Variants in KIF21B observed in about 807,000 individuals in gnomAD.
KIF21B encodes kinesin family member 21B.
Under a neutral mutation model 192.9 loss-of-function variants are expected in KIF21B, and 85 were observed. The ratio of observed to expected loss-of-function variants is 0.44; its 90% CI spans 0.37 to 0.53. KIF21B has a LOEUF of 0.53. Ranked by LOEUF, KIF21B falls within the 20% of genes least tolerant of loss-of-function variation. The pLI, the probability that KIF21B is intolerant of heterozygous loss-of-function variation, is 0.00. For synonymous variants in KIF21B, 832 were observed against 884.6 expected (o/e 0.94, Z 1.05); for missense variants, 1,716 against 2,194.8 (o/e 0.78, Z 4.36).
Position 201,000,701 on chromosome 1 carries a change from G to T in KIF21B, c.1466+16C>A, listed in dbSNP as rs757855538. 1.9e-6 allele frequency: 3 copies of T among 1,614,140 alleles called. No homozygotes were observed. Among genetic ancestry groups the T allele is most frequent in the Non-Finnish European group, 2.5e-6 (3 of 1,180,004 alleles). The stretch of plus-strand genomic sequence containing the variant: ...GCCCCCAGCCCGCGCACACCTGCCG[G>T]AGCTCACTCACTCACCGTAGCTCCT... On this transcript the variant is annotated intron_variant, in intron 10 of 34. Transcript: ENST00000461742. The surrounding 1 kb of genome is among the most constrained non-coding windows in gnomAD (Gnocchi z 6.0).
rs369897745 is a variant in KIF21B at position 201,002,209 on chromosome 1, C to T, written c.1354G>A (p.Val452Ile). 96 of 1,614,084 alleles carry T rather than the reference C, an allele frequency of 5.9e-5. No homozygotes were observed. The highest frequency in any genetic ancestry group is 3.3e-4 in the Middle Eastern group (2 of 6,084). Residue 452 changes from valine (V) to isoleucine (I), a missense_variant, in exon 9 of 35, where the codon GTC (valine) becomes ATC (isoleucine). Around this residue, in one of 3 missense-constraint regions of KIF21B, gnomAD observed 1,087 missense variants for 1,316.6 expected, o/e 0.83. Transcript: ENST00000461742. ...QEAIDAINNRVTQLMSQEANL... is the reference protein window; with the variant it reads ...QEAIDAINNRITQLMSQEANL... ...GCCTCCTGGCTCATGAGCTGGGTGA[C>T]GCGGTTGTTGATGGCATCGATGGCC...
chr1:200,998,813 C>T lies in KIF21B; in HGVS notation c.1886-238G>A, dbSNP rs1183096297. On this transcript the variant is annotated intron_variant, in intron 13 of 34. Transcript: ENST00000461742. The surrounding 1 kb of genome is among the most constrained non-coding windows in gnomAD (Gnocchi z 4.3). ...CTCAGGAGCTGGCAGGGGGGATCTA[C>T]ACGTCCTTCCCAGCCATTCGAGGCC... Among the ~76,000 whole-genome samples the T allele has an allele frequency of 6.6e-6, 1 of 152,160 alleles. No individual in the cohort carries two copies. The highest frequency in any genetic ancestry group is 2.4e-5 in the African/African-American group (1 of 41,456).
At chr1:200,987,276 ATTTT>A in intron 24 of KIF21B, 75 bp from the exon 25 acceptor site, 2 of 1,088,312 alleles carry the variant, frequency 1.8e-6, no homozygotes, top group Non-Finnish European at 2.5e-6. Context: ...GGGAAATTCT[ATTTT>A]TTTTTTTTTG....
At chr1:200,994,014 G>A (rs1040871346) in intron 15 of KIF21B, among the ~76,000 whole-genome samples, 4 of 152,152 alleles carry the variant, frequency 2.6e-5, no homozygotes, top group African/African-American at 9.7e-5. Context: ...AGCATCCCAG[G>A]AGCTGTGTGC....
At position 201,017,013 on chromosome 1, in the gene KIF21B, G is replaced by C. The variant is rs1356042877; in HGVS notation, c.41+6330C>G. Among the ~76,000 whole-genome samples, 1 of 152,118 alleles carries C rather than the reference G, an allele frequency of 6.6e-6. No homozygotes were observed. Among genetic ancestry groups the C allele is most frequent in the Non-Finnish European group, 1.5e-5 (1 of 67,996 alleles). ...TTGGGGTGTCAGCTTGGGATGCTTG[G>C]GGTTCAGGACTCTGACCCCACCCCC... On this transcript the variant is annotated intron_variant, in intron 1 of 34. Coordinates refer to ENST00000461742, the MANE Select transcript of KIF21B (RefSeq NM_001252102.2). The surrounding 1 kb of genome is among the most constrained non-coding windows in gnomAD (Gnocchi z 4.1).
intron 2 of KIF21B, 62 bp from the exon 3 acceptor site, chr1:201,009,013 T>C: frequency 6.6e-7 from 1 of 1,525,998 alleles, no homozygotes; most frequent in South Asian, 1.3e-5. Context: ...GCAAGCCCTG[T>C]ACCTGGGCCA....
rs1426690046 is a variant in KIF21B at position 201,007,709 on chromosome 1, CACAG to C, written c.447+1056_447+1059del. Among the ~76,000 whole-genome samples, 3 of 151,322 alleles carry C rather than the reference CACAG, an allele frequency of 2.0e-5. No individual in the cohort carries two copies. In the South Asian group the frequency reaches 6.3e-4, roughly 32 times the overall value. Reference sequence around the variant, plus strand: ...ACAGACACACACAGACAGATGCGCACACAGACACATAGACACACATACACACACA... The same window carrying C: ...ACAGACACACACAGACAGATGCGCACACACATAGACACACATACACACACA... On this transcript the variant is annotated intron_variant, in intron 3 of 34. Coordinates refer to ENST00000461742, the MANE Select transcript of KIF21B (RefSeq NM_001252102.2).
chr1:200,989,089 C>A (rs748222864), intron 21 of KIF21B, among the ~76,000 whole-genome samples, 158 bp from the exon 22 acceptor site: 1 of 152,150 alleles, frequency 6.6e-6, no homozygotes, highest in Non-Finnish European at 1.5e-5. Flanking sequence ...CGCCAGCCCC[C>A]TTAGCTCCCA....
chr1:200,989,875 C>T (rs527429976), intron 21 of KIF21B, 67 bp downstream of exon 21: 23 of 1,321,826 alleles, frequency 1.7e-5, no homozygotes, highest in Non-Finnish European at 2.3e-5. Context: ...CTGGGCTTCA[C>T]ACTAGGGTAT....
chr1:200,994,697 C>T (rs12126806), intron 15 of KIF21B, among the ~76,000 whole-genome samples: 40,254 of 152,128 alleles, frequency 0.26, 5,486 homozygotes, highest in Non-Finnish European at 0.29. Context: ...GGCCAGGACA[C>T]GATGGGGTAC....
chr1:201,004,681 C>T (rs1187417373), intron 6 of KIF21B, 85 bp downstream of exon 6: 2 of 1,519,796 alleles, frequency 1.3e-6, no homozygotes, highest in Non-Finnish European at 1.8e-6. Flanking sequence ...AAGGAGGACT[C>T]AGCAGGTGTA....
At chr1:200,997,404 C>T (rs1037738721) in intron 14 of KIF21B, among the ~76,000 whole-genome samples, 3 of 152,196 alleles carry the variant, frequency 2.0e-5, no homozygotes, top group Non-Finnish European at 2.9e-5. Context: ...GCACTATCAA[C>T]TCCTTCAAGT....
At chr1:201,002,019 A>C in intron 9 of KIF21B, 142 bp downstream of exon 9, 1 of 683,636 alleles carries the variant, frequency 1.5e-6, no homozygotes, top group Non-Finnish European at 2.5e-6. Context: ...ATGTTTTAAA[A>C]TCAAGTGAAA....
Position 201,017,241 on chromosome 1 carries a change from G to T in KIF21B, c.41+6102C>A, listed in dbSNP as rs1558031052. ...GGAGAGTGGGGTGAAATGCCAGGGA[G>T]CAGGGATGTGCAGGAGGAGCTGAAA... On this transcript the variant is annotated intron_variant, in intron 1 of 34. Coordinates refer to ENST00000461742, the MANE Select transcript of KIF21B (RefSeq NM_001252102.2). This position sits in a 1 kb window ranked among gnomAD's most constrained non-coding sequence, Gnocchi z 4.1. 6.6e-6 allele frequency among the ~76,000 whole-genome samples: 1 copy of T among 152,200 alleles called. No homozygotes were observed. The highest frequency in any genetic ancestry group is 1.5e-5 in the Non-Finnish European group (1 of 68,034).
intron 8 of KIF21B, 72 bp from the exon 9 acceptor site, chr1:201,002,422 C>A: frequency 7.2e-7 from 1 of 1,382,930 alleles, no homozygotes. Flanking sequence ...GCTGATGATG[C>A]CCCTCCCTCT....
At chr1:200,973,937 G>C in intron 34 of KIF21B, 1 of 1,525,316 alleles carries the variant, frequency 6.6e-7, no homozygotes, top group African/African-American at 1.4e-5. Flanking sequence ...GGGACAGGCA[G>C]GGCACCTCTC....
rs929639316 is a variant in KIF21B at position 201,000,446 on chromosome 1, C to G, written c.1629G>C (p.Arg543Ser). The change falls in exon 11 of 35, where the codon AGG becomes AGC. Residue 543 changes from arginine (R) to serine (S), a missense_variant. By Grantham distance (110) the Arg-to-Ser change is moderately radical. Coordinates refer to ENST00000461742, the MANE Select transcript of KIF21B (RefSeq NM_001252102.2). This position sits in a 1 kb window ranked among gnomAD's most constrained non-coding sequence, Gnocchi z 6.0. ...TTAGCCGCTCCAGGTCCTGCTTGGCCCTGCGGATCACCTCCGAGGCATCCT... is the reference window on the plus strand; with the variant it reads ...TTAGCCGCTCCAGGTCCTGCTTGGCGCTGCGGATCACCTCCGAGGCATCCT... ...SMEDASEVIR[R>S]AKQDLERLKK... 6.3e-7 allele frequency: 1 copy of G among 1,579,152 alleles called. No individual in the cohort carries two copies. The highest frequency in any genetic ancestry group is 1.4e-5 in the African/African-American group (1 of 73,092).
chr1:200,980,645 G>C (rs547007404), intron 29 of KIF21B, among the ~76,000 whole-genome samples: 1 of 152,356 alleles, frequency 6.6e-6, no homozygotes, highest in African/African-American at 2.4e-5. Context: ...GTGCCTAGAT[G>C]TATGAGCTGG....
At chr1:201,019,171 G>A (rs1449955594) in intron 1 of KIF21B, among the ~76,000 whole-genome samples, 2 of 152,168 alleles carry the variant, frequency 1.3e-5, no homozygotes, top group Non-Finnish European at 2.9e-5. Flanking sequence ...CTGACCTTGT[G>A]ATCCACCTGC....
Sources: allele counts gnomAD v4.1 joint callset (sites outside exome capture counted in the v4.1 genomes callset), GRCh38; gene constraint gnomAD v4.1.1; regional missense constraint gnomAD v4.1.1; non-coding constraint Gnocchi (gnomAD v3.1); transcripts MANE v1.5; gene names NCBI Gene and HGNC (gene_info 2026-07-23, HGNC 2026-07-21).